Variants in SLC4A11 observed in about 807,000 individuals in gnomAD.
The protein encoded by SLC4A11 is solute carrier family 4 member 11.
In SLC4A11, 74 loss-of-function variants were observed where a neutral mutation model predicts 95.0. That is an observed-to-expected ratio of 0.78 (90% CI 0.65 to 0.95). The LOEUF (loss-of-function observed/expected upper bound fraction) is 0.95, where lower values mean the gene tolerates loss of function less well. Among genes scored for constraint, SLC4A11 ranks in the 40% least tolerant of loss-of-function variants. The pLI, the probability that SLC4A11 is intolerant of heterozygous loss-of-function variation, is 0.00. For synonymous variants in SLC4A11, 548 were observed against 519.0 expected, an observed-to-expected ratio of 1.06 and a Z score of -0.76; for missense variants, 1,081 against 1,192.4, an observed-to-expected ratio of 0.91 and a Z score of 1.38.
intron 2 of SLC4A11, 136 bp from the exon 3 acceptor site, chr20:3,235,030 G>T (rs1044778634): frequency 9.7e-7 from 1 of 1,028,554 alleles, no homozygotes; most frequent in Non-Finnish European, 1.5e-6. Context: ...TCCCATAGGC[G>T]AGGAAGGCAG....
rs1026782159 is a variant in SLC4A11, at chr20:3,228,424, G to A, written c.2393C>T (p.Ala798Val). 9.9e-6 allele frequency: 16 copies of A among 1,613,202 alleles called. No homozygotes were observed. The highest frequency in any genetic ancestry group is 2.2e-5 in the South Asian group (2 of 91,086). ...CCGGATGTAGTGTGTCGGGGGGTAC[G>A]CAGTCTGTGGGCGGCAGGGACCGGG... ...RVALLLKEQT[A>V]YPPTHYIRRV... The change falls in exon 19 of 20, where the codon GCG becomes GTG. Residue 798 changes from alanine (A) to valine (V), a missense_variant. Ala to Val is a moderately conservative substitution (Grantham distance 64, BLOSUM62 0). Around this residue, in one of 3 missense-constraint regions of SLC4A11, gnomAD observed 767 missense variants for 858.0 expected, o/e 0.89. Coordinates refer to ENST00000642402, the MANE Select transcript of SLC4A11 (RefSeq NM_001174089.2).
Position 3,231,565 on chromosome 20 carries a change from GGA to G in SLC4A11, c.730-19_730-18del. The G allele has an allele frequency of 6.2e-7, 1 of 1,600,936 alleles. No individual in the cohort carries two copies. The highest frequency in any genetic ancestry group is 8.5e-7 in the Non-Finnish European group (1 of 1,175,614). On this transcript the variant is annotated intron_variant, in intron 7 of 19. Coordinates refer to ENST00000642402, the MANE Select transcript of SLC4A11 (RefSeq NM_001174089.2). The surrounding 1 kb of genome is among the most constrained non-coding windows in gnomAD (Gnocchi z 5.2). ...AGTGCTTTTCTAGGGGTGGAGGATG[GGA>G]GTCACCCCTAGAAACAGAGGAGGCC...
chr20:3,234,690 C>A lies in SLC4A11; in HGVS notation c.241+52G>T. 1.9e-6 allele frequency: 3 copies of A among 1,613,890 alleles called. No individual in the cohort carries two copies. Among genetic ancestry groups the A allele is most frequent in the East Asian group, 2.2e-5 (1 of 44,876 alleles). On this transcript the variant is annotated intron_variant, in intron 3 of 19. Coordinates refer to ENST00000642402, the MANE Select transcript of SLC4A11 (RefSeq NM_001174089.2). The surrounding 1 kb of genome is among the most constrained non-coding windows in gnomAD (Gnocchi z 5.8). ...GTCTTTCTTAGTAAGGCGAGTCACA[C>A]CTGCCCAGTCCCGTGCCTTCCCCCA...
chr20:3,237,984 C>T, intron 1 of SLC4A11: 1 of 1,549,412 alleles, frequency 6.5e-7, no homozygotes, highest in Non-Finnish European at 8.7e-7. Context: ...CCCCCTCTCT[C>T]CTCGGATGCC....
At position 3,234,653 on chromosome 20, in the gene SLC4A11, C is replaced by A; in HGVS notation, c.242-36G>T. 6.2e-7 allele frequency: 1 copy of A among 1,613,874 alleles called. No individual in the cohort carries two copies. The highest frequency in any genetic ancestry group is 8.5e-7 in the Non-Finnish European group (1 of 1,180,008). ...AAAGCGGGGAGGGCTCAGGGTGCCA[C>A]CCTCTCCTCAGGTCTTTCTTAGTAA... On this transcript the variant is annotated intron_variant, in intron 3 of 19. Coordinates refer to ENST00000642402, the MANE Select transcript of SLC4A11 (RefSeq NM_001174089.2). This position sits in a 1 kb window ranked among gnomAD's most constrained non-coding sequence, Gnocchi z 5.8.
intron 13 of SLC4A11, 70 bp from the exon 14 acceptor site, chr20:3,229,846 A>C: frequency 6.2e-7 from 1 of 1,605,872 alleles, no homozygotes; most frequent in Non-Finnish European, 8.5e-7. Context: ...GAGGGAGGGG[A>C]TCTCAGGGAG....
rs762438034 is a variant in SLC4A11 at position 3,234,877 on chromosome 20, T to G, written c.106A>C (p.Thr36Pro). The change falls in exon 3 of 20, where the codon ACA (threonine) becomes CCA (proline). Residue 36 changes from threonine (T) to proline (P), a missense_variant. By Grantham distance (38) the Thr-to-Pro change is conservative. Transcript: ENST00000642402. This position sits in a 1 kb window ranked among gnomAD's most constrained non-coding sequence, Gnocchi z 5.8. ...FEDSSYYKCD[T>P]DDTFEAREEI... ...TCTCGGGCTTCGAAGGTGTCATCTGTGTCACACTTGTAGTAGCCTAGAGAC... is the reference window on the plus strand; with the variant it reads ...TCTCGGGCTTCGAAGGTGTCATCTGGGTCACACTTGTAGTAGCCTAGAGAC... 2.5e-6 allele frequency: 4 copies of G among 1,613,772 alleles called. No individual in the cohort carries two copies. The South Asian group carries it at 3.3e-5, about 13-fold the overall frequency.
In SLC4A11 at chr20:3,231,013, G is replaced by A. The variant is rs762746618; in HGVS notation, c.1088C>T (p.Thr363Ile). 3 of 1,614,052 alleles carry A rather than the reference G, an allele frequency of 1.9e-6. No individual in the cohort carries two copies. Among genetic ancestry groups the A allele is most frequent in the Non-Finnish European group, 2.5e-6 (3 of 1,180,024 alleles). The stretch of plus-strand genomic sequence containing the variant: ...GAGGCAGGCGAAGTAGAGGAACAGG[G>A]TGGTGGTGATGTATTTGCCCACAGC... ...NKAVGKYITTTLFLYFACLLP... is the reference protein window; with the variant it reads ...NKAVGKYITTILFLYFACLLP... Residue 363 changes from threonine to isoleucine, a missense_variant, in exon 10 of 20, where the codon ACC (threonine) becomes ATC (isoleucine). Thr to Ile is a moderately conservative substitution (Grantham distance 89). Transcript: ENST00000642402. This position sits in a 1 kb window ranked among gnomAD's most constrained non-coding sequence, Gnocchi z 5.2.
In SLC4A11 at chr20:3,234,400, C is replaced by A; in HGVS notation, c.292-86G>T. 2 of 1,302,952 alleles carry A rather than the reference C, an allele frequency of 1.5e-6. No individual in the cohort carries two copies. The highest frequency in any genetic ancestry group is 2.5e-4 in the Middle Eastern group (1 of 3,972). 80.7% of individuals were successfully genotyped at this position (1,302,952 alleles called of 1,614,324 possible). On this transcript the variant is annotated intron_variant, in intron 4 of 19. Transcript: ENST00000642402. This position sits in a 1 kb window ranked among gnomAD's most constrained non-coding sequence, Gnocchi z 5.8. ...GTCCCTCCCTCCCAGCCAGCCGCAG[C>A]AGTCCAGCCCCCAGCCCCCAGCCCC...
rs2068025678 is a variant in SLC4A11 at position 3,237,659 on chromosome 20, C to T, written c.44-71G>A. On this transcript the variant is annotated intron_variant, in intron 1 of 19. Transcript: ENST00000642402. The stretch of plus-strand genomic sequence containing the variant: ...GGACCTCCTGTGTGCACCTGTCTCC[C>T]CGCCCCCCGACCTGGCTCATTCCTT... The T allele has an allele frequency of 1.5e-5, 24 of 1,614,108 alleles. No individual in the cohort carries two copies. Among genetic ancestry groups the T allele is most frequent in the Non-Finnish European group, 1.9e-5 (23 of 1,180,032 alleles).
Position 3,234,703 on chromosome 20 carries a change from G to T in SLC4A11, c.241+39C>A, listed in dbSNP as rs201643384. ...AGGCGAGTCACACCTGCCCAGTCCC[G>T]TGCCTTCCCCCAGTCTGCCCCTGCT... On this transcript the variant is annotated intron_variant, in intron 3 of 19. Transcript: ENST00000642402. The surrounding 1 kb of genome is among the most constrained non-coding windows in gnomAD (Gnocchi z 5.8). 1.9e-6 allele frequency: 3 copies of T among 1,613,616 alleles called. No homozygotes were observed. Among genetic ancestry groups the T allele is most frequent in the Admixed American group, 1.7e-5 (1 of 59,974 alleles).
In SLC4A11 at chr20:3,229,283, A is replaced by G; in HGVS notation, c.1850-20T>C. On this transcript the variant is annotated intron_variant, in intron 15 of 19. Coordinates refer to ENST00000642402, the MANE Select transcript of SLC4A11 (RefSeq NM_001174089.2). ...TGCTCACTGCAGTAGGGGACAGGCT[A>G]CTGCTATGCCTGCAGCGCCTGGGGA... is the stretch of plus-strand genomic sequence containing the variant. 6.2e-7 allele frequency: 1 copy of G among 1,613,034 alleles called. No homozygotes were observed. The highest frequency in any genetic ancestry group is 8.5e-7 in the Non-Finnish European group (1 of 1,180,004).
At chr20:3,233,756 C>A (rs2067863582) in intron 6 of SLC4A11, 119 bp from the exon 7 acceptor site, 1 of 1,544,216 alleles carries the variant, frequency 6.5e-7, no homozygotes, top group Middle Eastern at 1.8e-4. Context: ...AAAAGAAGAG[C>A]AAATGGGACG....
rs779039197 is a variant in SLC4A11, at chr20:3,229,733, G to A, written c.1533C>T (p.His511=). ...YYYGHYLDDY[H]TKRTSSLVSL... ...TGACAAGGGATGAAGTCCTTTTTGT[G>A]TGATAGTCGTCCAAGTAATGCCCAT... The change falls in exon 14 of 20, where the codon CAC becomes CAT. Residue 511 remains histidine, a synonymous_variant. Transcript: ENST00000642402. 4 of 1,614,032 alleles carry A rather than the reference G, an allele frequency of 2.5e-6. No homozygotes were observed. The Admixed American group carries it at 6.7e-5, about 27-fold the overall frequency.
At chr20:3,237,638 C>T (rs558139712) in intron 1 of SLC4A11, 50 bp from the exon 2 acceptor site, 1 of 1,614,084 alleles carries the variant, frequency 6.2e-7, no homozygotes, top group Non-Finnish European at 8.5e-7. Context: ...AGCCCTGGAC[C>T]TCCTGTGTGC....
In SLC4A11 at chr20:3,231,854, C is replaced by T. The variant is rs900671365; in HGVS notation, c.730-306G>A. On this transcript the variant is annotated intron_variant, in intron 7 of 19. Transcript: ENST00000642402. This position sits in a 1 kb window ranked among gnomAD's most constrained non-coding sequence, Gnocchi z 5.2. ...TTAACTTTTTGTAGAGACGAGGTCT[C>T]ACTATGTTGACCAGGCTGGTCTCAA... 1.3e-5 allele frequency among the ~76,000 whole-genome samples: 2 copies of T among 152,132 alleles called. No homozygotes were observed. The highest frequency in any genetic ancestry group is 2.9e-5 in the Non-Finnish European group (2 of 68,020).
rs3810561 is a variant in SLC4A11, at chr20:3,230,418, A to C, written c.1415+97T>G. 1,186,938 of 1,596,156 alleles carry C rather than the reference A, an allele frequency of 0.74. 444,160 individuals carry two copies. The highest frequency in any genetic ancestry group is 0.89 in the East Asian group (39,875 of 44,720). ...GCCCACCCCAGCCCCTTGGGGCAGC[A>C]ATATGGTGGGGGCACCCCCACCACC... On this transcript the variant is annotated intron_variant, in intron 12 of 19. Transcript: ENST00000642402.
Position 3,234,044 on chromosome 20 carries a change from C to T in SLC4A11, c.523+39G>A. On this transcript the variant is annotated intron_variant, in intron 5 of 19. Transcript: ENST00000642402. The surrounding 1 kb of genome is among the most constrained non-coding windows in gnomAD (Gnocchi z 5.8). ...GGGGAGGGTGGTGGGTCAACAGCCC[C>T]TCCCAACGCCCCCGCCCGGGCCGGG... The T allele has an allele frequency of 6.2e-7, 1 of 1,613,706 alleles. No individual in the cohort carries two copies. The highest frequency in any genetic ancestry group is 8.5e-7 in the Non-Finnish European group (1 of 1,179,926).
At chr20:3,232,862 G>A (rs925171627) in intron 7 of SLC4A11, among the ~76,000 whole-genome samples, 9 of 152,228 alleles carry the variant, frequency 5.9e-5, no homozygotes, top group African/African-American at 2.2e-4. Flanking sequence ...CTCCTTCTGT[G>A]TGGGCACCCT....
Sources: gnomAD v4.1 joint callset for allele counts (sites outside exome capture counted in the v4.1 genomes callset) on GRCh38, gnomAD v4.1.1 for gene constraint, gnomAD v4.1.1 regional missense constraint, Gnocchi (gnomAD v3.1) non-coding constraint, MANE v1.5 for transcripts, NCBI Gene and HGNC (gene_info 2026-07-23, HGNC 2026-07-21) for gene names.